The following WWOX variants were observed in gnomAD, a reference collection of about 807,000 sequenced individuals.
WWOX encodes the protein WW domain containing oxidoreductase.
In WWOX, 69 loss-of-function variants were observed where a neutral mutation model predicts 46.2. That is an observed-to-expected ratio of 1.49 (90% CI 1.23 to 1.82). WWOX has a LOEUF of 1.82. Among genes scored for constraint, WWOX ranks in the 40% most tolerant of loss-of-function variants. The pLI, the probability that WWOX is intolerant of heterozygous loss-of-function variation, is 0.00. For missense variants in WWOX, 919 were observed against 542.6 expected, an observed-to-expected ratio of 1.69 and a Z score of -6.89; for synonymous variants, 359 against 202.6, an observed-to-expected ratio of 1.77 and a Z score of -6.56.
chr16:78,852,914 G>A (rs760181302), intron 8 of WWOX, among the ~76,000 whole-genome samples: 2 of 152,140 alleles, frequency 1.3e-5, no homozygotes, highest in Non-Finnish European at 2.9e-5. Flanking sequence ...TTGGTGACAG[G>A]CTTCTTTCTT....
intron 8 of WWOX, among the ~76,000 whole-genome samples, chr16:78,647,201 C>G (rs1054247181): frequency 6.6e-6 from 1 of 152,172 alleles, no homozygotes; most frequent in African/African-American, 2.4e-5. Context: ...ACATGAGTCA[C>G]TTGCTACTGT....
chr16:78,544,440 T>A (rs376895889), intron 8 of WWOX, among the ~76,000 whole-genome samples: 10 of 152,344 alleles, frequency 6.6e-5, no homozygotes, highest in African/African-American at 2.4e-4. Context: ...GTTCCTCATT[T>A]GCAGATGAGG....
chr16:78,644,863 G>A (rs2046803305), intron 8 of WWOX, among the ~76,000 whole-genome samples: 1 of 152,176 alleles, frequency 6.6e-6, no homozygotes, highest in Admixed American at 6.5e-5. Flanking sequence ...TGTAGAAGAG[G>A]ATAGATGTAG....
At chr16:79,048,747 T>C (rs996523379) in intron 8 of WWOX, among the ~76,000 whole-genome samples, 1 of 152,216 alleles carries the variant, frequency 6.6e-6, no homozygotes, top group Non-Finnish European at 1.5e-5. Context: ...GACCCAGCAC[T>C]CCGGCTGCTG....
At chr16:78,816,301 G>C (rs1184849313) in intron 8 of WWOX, among the ~76,000 whole-genome samples, 1 of 152,146 alleles carries the variant, frequency 6.6e-6, no homozygotes, top group African/African-American at 2.4e-5. Context: ...AAAACTCTGT[G>C]AATGTTCACT....
intron 8 of WWOX, among the ~76,000 whole-genome samples, chr16:78,662,232 C>G (rs1386895525): frequency 6.6e-6 from 1 of 152,128 alleles, no homozygotes; most frequent in Non-Finnish European, 1.5e-5. Context: ...GAGGCCAGAT[C>G]TTAGAACCTC....
intron 5 of WWOX, among the ~76,000 whole-genome samples, chr16:78,360,225 A>C (rs1008722384): frequency 6.6e-6 from 1 of 152,162 alleles, no homozygotes; most frequent in Non-Finnish European, 1.5e-5. Context: ...CACCTGCTCT[A>C]AGGGACAGCC....
chr16:78,906,740 G>A (rs1438437764), intron 8 of WWOX, among the ~76,000 whole-genome samples: 1 of 152,192 alleles, frequency 6.6e-6, no homozygotes, highest in African/African-American at 2.4e-5. Flanking sequence ...AGCTCTGAAA[G>A]TTCCTTTAAC....
intron 5 of WWOX, among the ~76,000 whole-genome samples, chr16:78,369,109 T>G (rs2081605576): frequency 6.6e-6 from 1 of 152,088 alleles, no homozygotes; most frequent in Admixed American, 6.6e-5. Context: ...TCATTGAACT[T>G]GTGATGTACA....
chr16:78,110,067 C>T (rs1198346294), intron 3 of WWOX, among the ~76,000 whole-genome samples: 3 of 151,580 alleles, frequency 2.0e-5, no homozygotes, highest in African/African-American at 7.3e-5. Context: ...GGAGGCCAGG[C>T]ATGGTGGCTC....
At chr16:78,634,950 G>A (rs2046532812) in intron 8 of WWOX, among the ~76,000 whole-genome samples, 1 of 151,722 alleles carries the variant, frequency 6.6e-6, no homozygotes, top group Non-Finnish European at 1.5e-5. Flanking sequence ...AGGAGGGAAA[G>A]GGTCCAGAGC....
chr16:78,435,035 C>T (rs1302750228), intron 8 of WWOX, among the ~76,000 whole-genome samples: 3 of 152,076 alleles, frequency 2.0e-5, no homozygotes, highest in Admixed American at 6.5e-5. Context: ...GCTGGTTGGA[C>T]CTAACGGGAG....
intron 8 of WWOX, among the ~76,000 whole-genome samples, chr16:79,177,178 C>T (rs2050816611): frequency 6.6e-6 from 1 of 152,148 alleles, no homozygotes; most frequent in Non-Finnish European, 1.5e-5. Flanking sequence ...GTGAAGTTCA[C>T]ATTGAAGTGT....
chr16:78,538,793 C>T (rs537844894), intron 8 of WWOX, among the ~76,000 whole-genome samples: 8 of 152,312 alleles, frequency 5.3e-5, no homozygotes, highest in East Asian at 1.9e-4. Flanking sequence ...CTTCCTAAAA[C>T]GCATGGGTGG....
chr16:78,813,178 A>C (rs1178436965), intron 8 of WWOX, among the ~76,000 whole-genome samples: 1 of 151,688 alleles, frequency 6.6e-6, no homozygotes, highest in Non-Finnish European at 1.5e-5. Flanking sequence ...ATGTACCTTT[A>C]ATATTGCTTC....
intron 8 of WWOX, among the ~76,000 whole-genome samples, chr16:78,828,715 G>A (rs552818528): frequency 3.6e-4 from 55 of 152,086 alleles, no homozygotes; most frequent in East Asian, 1.4e-3. Context: ...TGTATTAATC[G>A]TAGTTAGCAA....
chr16:79,154,510 A>T (rs1197783209), intron 8 of WWOX, among the ~76,000 whole-genome samples: 1 of 150,224 alleles, frequency 6.7e-6, no homozygotes, highest in East Asian at 1.9e-4. Context: ...TTGCAAAAAA[A>T]AAAAAAAAAA....
chr16:78,520,806 G>C (rs2043331631), intron 8 of WWOX, among the ~76,000 whole-genome samples: 1 of 152,166 alleles, frequency 6.6e-6, no homozygotes, highest in Admixed American at 6.5e-5. Flanking sequence ...CTGATTTTCT[G>C]TTCGTGGCCT....
rs113368323 is a variant in WWOX, at chr16:78,735,097, C to G, written c.1056+302345C>G. Among the ~76,000 whole-genome samples the G allele has an allele frequency of 1.8e-3, 271 of 151,574 alleles. 2 individuals carry two copies. The highest frequency in any genetic ancestry group is 6.1e-3 in the African/African-American group (252 of 41,366). On this transcript the variant is annotated intron_variant, in intron 8 of 8. Coordinates refer to ENST00000566780, the MANE Select transcript of WWOX (RefSeq NM_016373.4). ...GGCCAGGCTGGTCTCGAACTCCTGA[C>G]CTCAGATGATCCACCTGCCTTGACG...
Sources: gnomAD v4.1 joint callset for allele counts (sites outside exome capture counted in the v4.1 genomes callset) on GRCh38, gnomAD v4.1.1 for gene constraint, MANE v1.5 for transcripts, NCBI Gene and HGNC (gene_info 2026-07-23, HGNC 2026-07-21) for gene names.